The following KCTD8 variants were observed in gnomAD, a reference collection of about 807,000 sequenced individuals.
KCTD8 encodes the protein BTB/POZ domain-containing protein KCTD8.
A neutral mutation model predicts 31.5 loss-of-function variants in KCTD8; 27 were observed. The ratio of observed to expected loss-of-function variants is 0.86; its 90% CI spans 0.63 to 1.18. KCTD8 has a LOEUF of 1.18. Among genes scored for constraint, KCTD8 ranks in the 50% most tolerant of loss-of-function variants. The probability of loss-of-function intolerance (pLI) is 0.00; values close to 1 mark genes in which losing one functional copy is unlikely to be tolerated. For missense variants in KCTD8, 658 were observed against 647.7 expected, an observed-to-expected ratio of 1.02 and a Z score of -0.17; for synonymous variants, 290 against 280.0, an observed-to-expected ratio of 1.04 and a Z score of -0.36.
chr4:44,410,112 C>A (rs1479985563), intron 1 of KCTD8, among the ~76,000 whole-genome samples: 1 of 152,110 alleles, frequency 6.6e-6, no homozygotes, highest in African/African-American at 2.4e-5. Context: ...ATACCTATTA[C>A]AATAATATAA....
intron 1 of KCTD8, among the ~76,000 whole-genome samples, chr4:44,269,252 T>C (rs1716496345): frequency 6.6e-6 from 1 of 152,174 alleles, no homozygotes; most frequent in African/African-American, 2.4e-5. Flanking sequence ...TACAACTATC[T>C]GATATTTGAC....
intron 1 of KCTD8, among the ~76,000 whole-genome samples, chr4:44,179,968 T>C (rs1460189935): frequency 6.6e-6 from 1 of 152,204 alleles, no homozygotes; most frequent in Non-Finnish European, 1.5e-5. Flanking sequence ...TTTAAAACTT[T>C]AATTTTATAT....
At chr4:44,413,323 C>T (rs1721001568) in intron 1 of KCTD8, among the ~76,000 whole-genome samples, 10 of 152,162 alleles carry the variant, frequency 6.6e-5, no homozygotes, top group Admixed American at 6.5e-4. Flanking sequence ...AAATAGCATT[C>T]GTATAAAATG....
At chr4:44,218,636 T>G (rs539790879) in intron 1 of KCTD8, among the ~76,000 whole-genome samples, 1 of 136,664 alleles carries the variant, frequency 7.3e-6, no homozygotes, top group South Asian at 2.4e-4. Flanking sequence ...AAAAAATAAA[T>G]AAAGAAAAAA....
chr4:44,257,519 A>G (rs1443991825), intron 1 of KCTD8, among the ~76,000 whole-genome samples: 1 of 152,038 alleles, frequency 6.6e-6, no homozygotes, highest in Admixed American at 6.6e-5. Flanking sequence ...ATATACATAG[A>G]AAAACATCCC....
chr4:44,176,269 T>C (rs975240773), intron 1 of KCTD8, among the ~76,000 whole-genome samples: 2 of 152,202 alleles, frequency 1.3e-5, no homozygotes, highest in Non-Finnish European at 2.9e-5. Context: ...GGGGTTCTAT[T>C]GTGCAGCCAG....
chr4:44,226,599 C>T (rs1315126144), intron 1 of KCTD8, among the ~76,000 whole-genome samples: 2 of 152,112 alleles, frequency 1.3e-5, no homozygotes, highest in East Asian at 1.9e-4. Flanking sequence ...GGTTCTAGAT[C>T]CTTGAGGAAT....
chr4:44,407,389 C>CT (rs753718961), intron 1 of KCTD8, among the ~76,000 whole-genome samples: 426 of 140,848 alleles, frequency 3.0e-3, no homozygotes, highest in Middle Eastern at 0.011. Context: ...CTCTTTTTTT[C>CT]TTTTTTTTTT....
At chr4:44,361,784 T>C (rs1050483074) in intron 1 of KCTD8, among the ~76,000 whole-genome samples, 17 of 152,092 alleles carry the variant, frequency 1.1e-4, no homozygotes, top group African/African-American at 4.1e-4. Flanking sequence ...ATACATTAAA[T>C]CACCAAGTGG....
intron 1 of KCTD8, among the ~76,000 whole-genome samples, chr4:44,295,090 T>C (rs115058541): frequency 6.6e-6 from 1 of 152,154 alleles, no homozygotes; most frequent in South Asian, 2.1e-4. Flanking sequence ...CCCAGGAGTT[T>C]GAGATCAGGC....
intron 1 of KCTD8, among the ~76,000 whole-genome samples, chr4:44,260,062 T>C (rs1716115351): frequency 6.6e-6 from 1 of 151,810 alleles, no homozygotes; most frequent in South Asian, 2.1e-4. Context: ...ATGAATTGTA[T>C]ACTAGTCTTT....
intron 1 of KCTD8, among the ~76,000 whole-genome samples, chr4:44,378,125 CTGAGA>C (rs1321215503): frequency 2.0e-5 from 3 of 150,440 alleles, no homozygotes; most frequent in Non-Finnish European, 4.4e-5. Flanking sequence ...AACCACCTCT[CTGAGA>C]TAACTATTGT....
chr4:44,233,669 T>TC (rs1715187448), intron 1 of KCTD8, among the ~76,000 whole-genome samples: 2 of 152,170 alleles, frequency 1.3e-5, no homozygotes, highest in Admixed American at 1.3e-4. Flanking sequence ...AAATTCTGTA[T>TC]CTTAGAGGGA....
intron 1 of KCTD8, among the ~76,000 whole-genome samples, chr4:44,407,922 C>T (rs1720843079): frequency 6.6e-6 from 1 of 152,114 alleles, no homozygotes; most frequent in Admixed American, 6.6e-5. Flanking sequence ...ATTCCGCACC[C>T]CATACTCTAC....
intron 1 of KCTD8, among the ~76,000 whole-genome samples, chr4:44,431,091 C>T (rs919788899): frequency 2.3e-4 from 35 of 151,580 alleles, no homozygotes; most frequent in African/African-American, 7.0e-4. Context: ...AAAAACTTTA[C>T]GATACGTAAG....
In KCTD8 at chr4:44,389,775, C is replaced by G. The variant is rs1444088596; in HGVS notation, c.961+57788G>C. On this transcript the variant is annotated intron_variant, in intron 1 of 1. Transcript: ENST00000360029. ...CCACAATTAAATTCTTTCAAAAATA[C>G]AGTTGGCACATGAACAACACAGGTT... 2.0e-5 allele frequency among the ~76,000 whole-genome samples: 3 copies of G among 151,834 alleles called. No homozygotes were observed. In the East Asian group the frequency reaches 5.8e-4, roughly 29 times the overall value.
At chr4:44,316,808 A>G (rs866444996) in intron 1 of KCTD8, among the ~76,000 whole-genome samples, 3,884 of 129,046 alleles carry the variant, frequency 0.03, 287 homozygotes, top group African/African-American at 0.11. Context: ...AAAAAAAAAA[A>G]AAAAAAAAAA....
chr4:44,390,427 C>T (rs1720343151), intron 1 of KCTD8, among the ~76,000 whole-genome samples: 1 of 151,840 alleles, frequency 6.6e-6, no homozygotes, highest in Non-Finnish European at 1.5e-5. Context: ...TTTTTGTTTG[C>T]TTTGTCGAAG....
intron 1 of KCTD8, among the ~76,000 whole-genome samples, chr4:44,443,020 G>A (rs764711397): frequency 3.3e-5 from 5 of 152,150 alleles, no homozygotes; most frequent in Non-Finnish European, 7.3e-5. Flanking sequence ...ACAACAATCG[G>A]TGTCATAGCA....
Sources: gnomAD v4.1 joint callset for allele counts (sites outside exome capture counted in the v4.1 genomes callset) on GRCh38, gnomAD v4.1.1 for gene constraint, MANE v1.5 for transcripts, NCBI Gene and HGNC (gene_info 2026-07-23, HGNC 2026-07-21) for gene names.